The following SLC2A9 variants were observed in gnomAD, a reference collection of about 807,000 sequenced individuals.
SLC2A9 encodes solute carrier family 2 member 9, also known as solute carrier family 2, facilitated glucose transporter member 9.
Under a neutral mutation model 50.6 loss-of-function variants are expected in SLC2A9, and 39 were observed. The observed-to-expected ratio is 0.77, with a 90% confidence interval of 0.60 to 1.01. The LOEUF is 1.01. Among genes scored for constraint, SLC2A9 ranks in the 50% least tolerant of loss-of-function variants. The pLI is 0.00. For synonymous variants in SLC2A9, 324 were observed against 276.9 expected, an observed-to-expected ratio of 1.17 and a Z score of -1.69; for missense variants, 686 against 677.6, an observed-to-expected ratio of 1.01 and a Z score of -0.14.
chr4:9,977,058 C>T (rs1171088341), intron 5 of SLC2A9, among the ~76,000 whole-genome samples: 1 of 152,170 alleles, frequency 6.6e-6, no homozygotes, highest in Non-Finnish European at 1.5e-5. Flanking sequence ...ACTGCCATTA[C>T]TCTGACCCAA....
At chr4:10,001,357 G>A (rs1759767034) in intron 2 of SLC2A9, among the ~76,000 whole-genome samples, 2 of 152,188 alleles carry the variant, frequency 1.3e-5, no homozygotes, top group South Asian at 4.1e-4. Context: ...GGAAGATGAT[G>A]TAAACAGGCA....
intron 10 of SLC2A9, among the ~76,000 whole-genome samples, chr4:9,865,023 A>G (rs1732229117): frequency 6.6e-6 from 1 of 152,220 alleles, no homozygotes; most frequent in South Asian, 2.1e-4. Context: ...TTGACTCACA[A>G]CCCACAAGGT....
intron 6 of SLC2A9, among the ~76,000 whole-genome samples, chr4:9,932,491 C>T (rs1053772070): frequency 6.6e-6 from 1 of 152,048 alleles, no homozygotes; most frequent in Non-Finnish European, 1.5e-5. Context: ...ATAATGAGTG[C>T]TAAAAAGAAA....
chr4:10,007,582 G>A (rs1334503121), intron 2 of SLC2A9, among the ~76,000 whole-genome samples: 2 of 152,198 alleles, frequency 1.3e-5, no homozygotes, highest in African/African-American at 4.8e-5. Flanking sequence ...CAGAAGCAGA[G>A]AAGTGAATGC....
intron 10 of SLC2A9, among the ~76,000 whole-genome samples, chr4:9,876,198 C>A (rs1369918642): frequency 6.6e-6 from 1 of 152,102 alleles, no homozygotes; most frequent in Non-Finnish European, 1.5e-5. Context: ...AATTAGTTTA[C>A]CCCTGAGGTG....
chr4:9,999,745 G>A (rs976900195), intron 2 of SLC2A9, among the ~76,000 whole-genome samples: 3 of 152,118 alleles, frequency 2.0e-5, no homozygotes, highest in Non-Finnish European at 4.4e-5. Flanking sequence ...TTTTGGCAGG[G>A]GGAGGACATG....
chr4:9,947,645 G>A (rs553837582), intron 5 of SLC2A9, among the ~76,000 whole-genome samples: 8 of 152,202 alleles, frequency 5.3e-5, no homozygotes, highest in East Asian at 1.9e-4. Flanking sequence ...CAGGCCTTTC[G>A]TATGCAAACC....
At chr4:9,945,562 A>G (rs908268473) in intron 5 of SLC2A9, among the ~76,000 whole-genome samples, 4 of 152,204 alleles carry the variant, frequency 2.6e-5, no homozygotes, top group Admixed American at 1.3e-4. Flanking sequence ...TCGGTCATAG[A>G]GGCATGACTG....
chr4:9,886,466 G>A (rs1736280351), intron 10 of SLC2A9, among the ~76,000 whole-genome samples: 1 of 126,266 alleles, frequency 7.9e-6, no homozygotes, highest in South Asian at 2.4e-4. Flanking sequence ...GTGTGTGTGT[G>A]TGTGTGTGCT....
chr4:9,793,160 G>A (rs1456469288), intron 3 of SLC2A9, among the ~76,000 whole-genome samples: 2 of 152,230 alleles, frequency 1.3e-5, no homozygotes, highest in East Asian at 3.8e-4. Flanking sequence ...AGCCTGAACA[G>A]AAACGGCCAC....
intron 8 of SLC2A9, among the ~76,000 whole-genome samples, chr4:9,900,661 G>T (rs543415029): frequency 6.6e-6 from 1 of 152,062 alleles, no homozygotes; most frequent in African/African-American, 2.4e-5. Context: ...AAGAACTGCC[G>T]AAGACTGGGT....
At chr4:9,960,756 T>G (rs545887595) in intron 5 of SLC2A9, among the ~76,000 whole-genome samples, 1 of 152,186 alleles carries the variant, frequency 6.6e-6, no homozygotes, top group South Asian at 2.1e-4. Flanking sequence ...ATGAGAGAGG[T>G]GATTCCAGGC....
rs549589055 is a variant in SLC2A9, at chr4:9,841,687, G to A, written c.1292-6679C>T. ...GTCAGCAGCCCTTTATGGAGGATCT[G>A]GGTTCTTCTCTCTCTCTTCTTAGAT... On this transcript the variant is annotated intron_variant, in intron 10 of 11. Coordinates refer to ENST00000264784, the MANE Select transcript of SLC2A9 (RefSeq NM_020041.3). 3.3e-5 allele frequency among the ~76,000 whole-genome samples: 5 copies of A among 152,242 alleles called. No homozygotes were observed. In the South Asian group the frequency reaches 1.0e-3, roughly 32 times the overall value.
chr4:9,844,015 C>A (rs1029174387), intron 10 of SLC2A9, among the ~76,000 whole-genome samples: 38 of 152,086 alleles, frequency 2.5e-4, no homozygotes, highest in Non-Finnish European at 4.1e-4. Context: ...GCATTTGAGG[C>A]ATAGAATCCT....
At chr4:9,955,932 T>C (rs559347927) in intron 5 of SLC2A9, among the ~76,000 whole-genome samples, 42 of 131,984 alleles carry the variant, frequency 3.2e-4, no homozygotes, top group Non-Finnish European at 5.4e-4. Context: ...GGCTGGAGTG[T>C]AGTGGTGCAA....
intron 10 of SLC2A9, among the ~76,000 whole-genome samples, chr4:9,883,897 T>C (rs960466848): frequency 1.4e-4 from 22 of 152,224 alleles, no homozygotes; most frequent in African/African-American, 5.1e-4. Flanking sequence ...GGGCTGGCCA[T>C]GGGACTTGTC....
chr4:9,910,144 T>A (rs1432145479), intron 7 of SLC2A9, among the ~76,000 whole-genome samples: 1 of 152,240 alleles, frequency 6.6e-6, no homozygotes, highest in East Asian at 1.9e-4. Context: ...CTTGCAGGCA[T>A]GGATACATCC....
chr4:9,984,001 C>CA (rs891676209), intron 4 of SLC2A9, among the ~76,000 whole-genome samples: 1 of 151,604 alleles, frequency 6.6e-6, no homozygotes, highest in Non-Finnish European at 1.5e-5. Flanking sequence ...AGGAGGAGAT[C>CA]AAAAAAAATG....
At chr4:9,946,636 T>A (rs970996236) in intron 5 of SLC2A9, among the ~76,000 whole-genome samples, 17 of 152,354 alleles carry the variant, frequency 1.1e-4, no homozygotes, top group African/African-American at 4.1e-4. Context: ...TATTTCTTCA[T>A]ATTTAGGCTC....
Sources: gnomAD v4.1 joint callset for allele counts (sites outside exome capture counted in the v4.1 genomes callset) on GRCh38, gnomAD v4.1.1 for gene constraint, MANE v1.5 for transcripts, NCBI Gene and HGNC (gene_info 2026-07-23, HGNC 2026-07-21) for gene names.